The following NAALADL2 variants were observed in gnomAD, a reference collection of about 807,000 sequenced individuals.
NAALADL2 encodes inactive N-acetylated-alpha-linked acidic dipeptidase-like protein 2.
In NAALADL2, 76 loss-of-function variants were observed where a neutral mutation model predicts 87.2. The observed-to-expected ratio is 0.87, with a 90% CI of 0.72 to 1.05. The LOEUF (loss-of-function observed/expected upper bound fraction) is 1.05, where lower values mean the gene tolerates loss of function less well. Ranked by LOEUF, NAALADL2 falls within the 50% of genes least tolerant of loss-of-function variation. The probability of loss-of-function intolerance (pLI) is 0.00; values close to 1 mark genes in which losing one functional copy is unlikely to be tolerated. For synonymous variants in NAALADL2, 354 were observed against 331.0 expected (o/e 1.07, Z -0.75); for missense variants, 1,089 against 945.8 (o/e 1.15, Z -1.99).
intron 2 of NAALADL2, among the ~76,000 whole-genome samples, chr3:174,670,409 T>A (rs1726421633): frequency 6.6e-6 from 1 of 152,120 alleles, no homozygotes; most frequent in South Asian, 2.1e-4. Context: ...TTGGCTGTAC[T>A]TTTCTTTTTC....
chr3:175,797,195 G>A (rs1466740592), intron 13 of NAALADL2, among the ~76,000 whole-genome samples: 1 of 152,070 alleles, frequency 6.6e-6, no homozygotes, highest in African/African-American at 2.4e-5. Context: ...TTTATGTTGT[G>A]TGTGGGTCAG....
chr3:174,846,885 T>C (rs1011746796), intron 3 of NAALADL2, among the ~76,000 whole-genome samples: 11 of 152,006 alleles, frequency 7.2e-5, no homozygotes, highest in Non-Finnish European at 2.9e-5. Context: ...TATAAGACCA[T>C]AGATGAGAGA....
At chr3:174,697,491 CT>C (rs928512334) in intron 2 of NAALADL2, among the ~76,000 whole-genome samples, 3 of 149,186 alleles carry the variant, frequency 2.0e-5, no homozygotes, top group African/African-American at 7.8e-5. Context: ...AAGGATGCTT[CT>C]TTTTTCACAC....
At chr3:175,516,122 G>A (rs1196589742) in intron 9 of NAALADL2, among the ~76,000 whole-genome samples, 1 of 152,198 alleles carries the variant, frequency 6.6e-6, no homozygotes, top group Non-Finnish European at 1.5e-5. Flanking sequence ...AGGAAACAAA[G>A]TCTCAAAGCT....
intron 11 of NAALADL2, among the ~76,000 whole-genome samples, chr3:175,696,549 T>C (rs1039707594): frequency 1.3e-5 from 2 of 152,000 alleles, no homozygotes; most frequent in Non-Finnish European, 2.9e-5. Flanking sequence ...TGGCCCTTTA[T>C]TGTAGGATAT....
chr3:175,776,639 C>A (rs1750283297), intron 13 of NAALADL2, among the ~76,000 whole-genome samples: 1 of 152,064 alleles, frequency 6.6e-6, no homozygotes, highest in South Asian at 2.1e-4. Flanking sequence ...ATCTCGAAGA[C>A]TGGACTCTGA....
At chr3:175,505,165 T>G (rs574499937) in intron 9 of NAALADL2, among the ~76,000 whole-genome samples, 16 of 151,624 alleles carry the variant, frequency 1.1e-4, no homozygotes, top group Non-Finnish European at 1.8e-4. Context: ...CTTGGGAGGC[T>G]GAGGCAAGAG....
intron 1 of NAALADL2, among the ~76,000 whole-genome samples, chr3:175,060,709 T>C (rs1713262400): frequency 2.6e-5 from 4 of 152,200 alleles, no homozygotes; most frequent in African/African-American, 9.6e-5. Context: ...AGTAGGACAA[T>C]ATCTGGGACT....
chr3:175,256,742 T>A, intron 4 of NAALADL2: 1 of 352,486 alleles, frequency 2.8e-6, no homozygotes, highest in Non-Finnish European at 5.0e-6. Context: ...ACAATATATT[T>A]ATGCCCTTAT....
intron 3 of NAALADL2, among the ~76,000 whole-genome samples, chr3:174,752,068 C>T (rs1263144188): frequency 6.6e-6 from 1 of 152,120 alleles, no homozygotes; most frequent in Non-Finnish European, 1.5e-5. Context: ...AGCTCTGCCT[C>T]CCGGGTTCAC....
At chr3:175,718,195 GTTTTTTTTTTT>G (rs1244400650) in intron 11 of NAALADL2, 7 of 822,732 alleles carry the variant, frequency 8.5e-6, no homozygotes, top group African/African-American at 3.2e-5. Context: ...AGGGCCTGTG[GTTTTTTTTTTT>G]TTTTTTTTTT....
intron 1 of NAALADL2, among the ~76,000 whole-genome samples, chr3:175,052,236 C>T (rs980557193): frequency 6.6e-5 from 10 of 152,186 alleles, no homozygotes; most frequent in Admixed American, 3.3e-4. Context: ...GGTTTTCCGC[C>T]CTGAGTGGGC....
At position 175,461,666 on chromosome 3, in the gene NAALADL2, GCTAA is replaced by G. The variant is rs370363851; in HGVS notation, c.1235-1732_1235-1729del. Among the ~76,000 whole-genome samples the G allele has an allele frequency of 2.6e-3, 403 of 152,280 alleles. 1 individual carries two copies. The highest frequency in any genetic ancestry group is 7.8e-3 in the African/African-American group (322 of 41,540). ...ATACATATTGTGACGTTTTCTCGCT[GCTAA>G]CTTAGACAAAAATATATTGAATTTT... On this transcript the variant is annotated intron_variant, in intron 6 of 13. Transcript: ENST00000454872.
intron 2 of NAALADL2, among the ~76,000 whole-genome samples, chr3:174,625,275 C>T (rs1189199056): frequency 6.6e-6 from 1 of 151,938 alleles, no homozygotes; most frequent in African/African-American, 2.4e-5. Flanking sequence ...CCAGGCTGGT[C>T]TCCAACTCCT....
At chr3:175,194,803 C>A (rs1328821765) in intron 2 of NAALADL2, among the ~76,000 whole-genome samples, 3 of 151,580 alleles carry the variant, frequency 2.0e-5, no homozygotes, top group Non-Finnish European at 4.4e-5. Context: ...ATTTAAGGAA[C>A]CACATCCTTG....
At chr3:175,600,279 T>C (rs1163744216) in intron 10 of NAALADL2, among the ~76,000 whole-genome samples, 1 of 151,834 alleles carries the variant, frequency 6.6e-6, no homozygotes, top group Non-Finnish European at 1.5e-5. Flanking sequence ...TTTTTAAATG[T>C]ATGTACATAC....
intron 1 of NAALADL2, among the ~76,000 whole-genome samples, chr3:174,474,600 G>A (rs1256400818): frequency 3.3e-5 from 5 of 151,994 alleles, no homozygotes; most frequent in African/African-American, 1.2e-4. Flanking sequence ...CTTTTTTGTT[G>A]TGTGTTTCTT....
intron 3 of NAALADL2, among the ~76,000 whole-genome samples, chr3:174,837,089 A>G (rs1723420331): frequency 6.6e-6 from 1 of 152,218 alleles, no homozygotes; most frequent in South Asian, 2.1e-4. Flanking sequence ...TTAAGGAACT[A>G]GAGAAACAAG....
chr3:174,762,344 G>A (rs1316925955), intron 3 of NAALADL2, among the ~76,000 whole-genome samples: 5 of 148,816 alleles, frequency 3.4e-5, no homozygotes, highest in South Asian at 2.2e-4. Flanking sequence ...TAGTAGAGAC[G>A]GGGTTTCACC....
Sources: gnomAD v4.1 joint callset for allele counts (sites outside exome capture counted in the v4.1 genomes callset) on GRCh38, gnomAD v4.1.1 for gene constraint, MANE v1.5 for transcripts, NCBI Gene and HGNC (gene_info 2026-07-23, HGNC 2026-07-21) for gene names.